The following GNAL variants were observed in gnomAD, a reference collection of about 807,000 sequenced individuals.
The protein encoded by GNAL is guanine nucleotide-binding protein G(olf) subunit alpha.
A neutral mutation model predicts 55.1 loss-of-function variants in GNAL; 18 were observed. The ratio of observed to expected loss-of-function variants is 0.33; its 90% CI spans 0.23 to 0.48. GNAL has a LOEUF of 0.48. GNAL is among the 20% of genes least tolerant of loss of function. The probability of loss-of-function intolerance (pLI) is 0.99; values close to 1 mark genes in which losing one functional copy is unlikely to be tolerated. For missense variants in GNAL, 412 were observed against 614.1 expected (o/e 0.67, Z 3.48); for synonymous variants, 253 against 237.0 (o/e 1.07, Z -0.62).
intron 6 of GNAL, 85 bp from the exon 7 acceptor site, chr18:11,864,448 A>G (rs2036215608): frequency 1.3e-6 from 1 of 775,610 alleles, no homozygotes; most frequent in South Asian, 1.4e-5. Context: ...TTTGAAAAAT[A>G]TTGATGAGGT....
At chr18:11,690,939 T>C (rs979592828) in intron 1 of GNAL, among the ~76,000 whole-genome samples, 7 of 149,098 alleles carry the variant, frequency 4.7e-5, no homozygotes, top group Admixed American at 4.6e-4. Flanking sequence ...TGTGTCTTTA[T>C]AGCAGCATGA....
intron 10 of GNAL, among the ~76,000 whole-genome samples, chr18:11,872,986 G>A (rs2036431754): frequency 6.6e-6 from 1 of 152,160 alleles, no homozygotes; most frequent in South Asian, 2.1e-4. Context: ...GCCATCCCAG[G>A]CCACCTGAGA....
chr18:11,774,196 G>C (rs1050279700), intron 4 of GNAL, among the ~76,000 whole-genome samples: 1 of 152,120 alleles, frequency 6.6e-6, no homozygotes, highest in African/African-American at 2.4e-5. Flanking sequence ...CACGCACGGG[G>C]CCCAGTTTGA....
At chr18:11,785,161 T>G (rs1421503558) in intron 4 of GNAL, among the ~76,000 whole-genome samples, 1 of 152,150 alleles carries the variant, frequency 6.6e-6, no homozygotes, top group Admixed American at 6.5e-5. Context: ...GTCAAGTCTT[T>G]TAGATGGTTT....
intron 1 of GNAL, among the ~76,000 whole-genome samples, chr18:11,705,391 A>G (rs571623913): frequency 1.3e-5 from 2 of 152,176 alleles, no homozygotes; most frequent in South Asian, 4.1e-4. Context: ...TATCTTGGCT[A>G]TTGCAAAAAT....
chr18:11,867,804 G>A (rs1462732187), intron 8 of GNAL, among the ~76,000 whole-genome samples: 2 of 146,660 alleles, frequency 1.4e-5, no homozygotes, highest in Non-Finnish European at 3.0e-5. Flanking sequence ...GCAAAAGAGC[G>A]AGACTCTGTC....
At chr18:11,814,155 CA>C (rs780964299) in intron 4 of GNAL, among the ~76,000 whole-genome samples, 3 of 151,792 alleles carry the variant, frequency 2.0e-5, no homozygotes, top group Admixed American at 1.3e-4. Flanking sequence ...TGATAGAACA[CA>C]AAAAAAGGAT....
At chr18:11,722,679 A>G (rs2032122503) in intron 1 of GNAL, among the ~76,000 whole-genome samples, 2 of 152,272 alleles carry the variant, frequency 1.3e-5, no homozygotes, top group Non-Finnish European at 1.5e-5. Context: ...GTTCGAGACC[A>G]GCCTACCCAA....
chr18:11,785,454 G>A (rs2034030574), intron 4 of GNAL, among the ~76,000 whole-genome samples: 1 of 152,160 alleles, frequency 6.6e-6, no homozygotes, highest in African/African-American at 2.4e-5. Context: ...GAAGAAAGGA[G>A]GACACTGGAT....
chr18:11,689,892 G>A lies in GNAL; in HGVS notation c.329G>A (p.Arg110His), dbSNP rs778292731. ...KVSRGIDRMLRDQKRDLQQTH... is the reference protein window; with the variant it reads ...KVSRGIDRMLHDQKRDLQQTH... ...AGCCGGGGCATCGACCGCATGCTGCGCGACCAGAAGCGCGACCTGCAGCAG... is the reference window on the plus strand; with the variant it reads ...AGCCGGGGCATCGACCGCATGCTGCACGACCAGAAGCGCGACCTGCAGCAG... The change falls in exon 1 of 12, where the codon CGC becomes CAC. Residue 110 changes from arginine (R) to histidine (H), a missense_variant. Arg to His is a conservative substitution (Grantham distance 29). Around this residue, in one of 5 missense-constraint regions of GNAL, gnomAD observed 228 missense variants for 194.8 expected, o/e 1.17. Coordinates refer to ENST00000334049, the MANE Select transcript of GNAL (RefSeq NM_182978.4). 7.0e-5 allele frequency: 103 copies of A among 1,481,484 alleles called. No homozygotes were observed. The highest frequency in any genetic ancestry group is 8.9e-5 in the Non-Finnish European group (99 of 1,115,906). The allele number at this position is 1,481,484 out of a possible 1,614,324, so 91.8% of individuals were successfully genotyped here. A position where few individuals can be genotyped will look rare whatever the true frequency, so the allele number is the denominator to read the frequency against.
intron 4 of GNAL, among the ~76,000 whole-genome samples, chr18:11,768,153 G>A (rs185372462): frequency 2.0e-5 from 3 of 152,280 alleles, no homozygotes; most frequent in Non-Finnish European, 1.5e-5. Context: ...AACTTGACAT[G>A]GCATTTGGCA....
chr18:11,869,873 C>T (rs1181666664), intron 9 of GNAL, among the ~76,000 whole-genome samples: 1 of 152,112 alleles, frequency 6.6e-6, no homozygotes, highest in Non-Finnish European at 1.5e-5. Context: ...TGCATCACTG[C>T]ACGTCAGTCT....
rs1020804178 is a variant in GNAL at position 11,884,990 on chromosome 18, C to G, written c.*3855C>G. 7.7e-7 allele frequency: 1 copy of G among 1,301,918 alleles called. No homozygotes were observed. 80.6% of individuals were successfully genotyped at this position (1,301,918 alleles called of 1,614,324 possible). A position where few individuals can be genotyped will look rare whatever the true frequency, so the allele number is the denominator to read the frequency against. ...TCCAGGGTCATCGGTCAGCGAGGAA[C>G]AAGGAGGGAAAGGTGTCTTCCTGCC... On this transcript the variant is annotated 3_prime_UTR_variant, in exon 12 of 12. Transcript: ENST00000334049.
In GNAL at chr18:11,884,821, G is replaced by A; in HGVS notation, c.*3686G>A. 7.2e-7 allele frequency: 1 copy of A among 1,396,096 alleles called. No homozygotes were observed. The highest frequency in any genetic ancestry group is 1.5e-5 in the South Asian group (1 of 65,752). 86.5% of individuals were successfully genotyped at this position (1,396,096 alleles called of 1,614,324 possible). On this transcript the variant is annotated 3_prime_UTR_variant, in exon 12 of 12. Coordinates refer to ENST00000334049, the MANE Select transcript of GNAL (RefSeq NM_182978.4). ...TCACCCCCGACCAGCCCAGGCTCCA[G>A]CAGGAGAGACAAGTAAGGCCCAAGT...
At chr18:11,866,111 G>A (rs954888430) in intron 7 of GNAL, among the ~76,000 whole-genome samples, 1 of 150,134 alleles carries the variant, frequency 6.7e-6, no homozygotes, top group Non-Finnish European at 1.5e-5. Context: ...GCACAGTGCA[G>A]TATGGAGTTG....
chr18:11,781,239 G>A (rs764074896), intron 4 of GNAL, among the ~76,000 whole-genome samples: 2 of 152,058 alleles, frequency 1.3e-5, no homozygotes, highest in Admixed American at 6.5e-5. Flanking sequence ...TCCCCAATTC[G>A]TAAATAAAAA....
chr18:11,753,127 G>A (rs893738234), intron 2 of GNAL, among the ~76,000 whole-genome samples: 3 of 152,012 alleles, frequency 2.0e-5, no homozygotes, highest in African/African-American at 4.8e-5. Context: ...AAAAAAACTT[G>A]CTTAACAAAA....
intron 5 of GNAL, among the ~76,000 whole-genome samples, chr18:11,849,020 C>G (rs1391969559): frequency 6.6e-6 from 1 of 152,188 alleles, no homozygotes; most frequent in Non-Finnish European, 1.5e-5. Context: ...TACCTGTGAA[C>G]TGGAGACATT....
intron 1 of GNAL, among the ~76,000 whole-genome samples, chr18:11,728,057 T>C (rs1424021555): frequency 6.6e-6 from 1 of 151,910 alleles, no homozygotes; most frequent in East Asian, 1.9e-4. Flanking sequence ...GCAGAGTTTG[T>C]CTCTATAAAA....
Sources: allele counts gnomAD v4.1 joint callset (sites outside exome capture counted in the v4.1 genomes callset), GRCh38; gene constraint gnomAD v4.1.1; regional missense constraint gnomAD v4.1.1; transcripts MANE v1.5; gene names NCBI Gene and HGNC (gene_info 2026-07-23, HGNC 2026-07-21).